Variants in ATRNL1 observed in about 807,000 individuals in gnomAD.
The protein encoded by ATRNL1 is attractin like 1, also known as attractin-like protein 1.
In ATRNL1, 95 loss-of-function variants were observed where a neutral mutation model predicts 182.7. The ratio of observed to expected loss-of-function variants is 0.52; its 90% CI spans 0.44 to 0.62. The LOEUF (loss-of-function observed/expected upper bound fraction) is 0.62, where lower values mean the gene tolerates loss of function less well. ATRNL1 is among the 20% of genes least tolerant of loss of function. ATRNL1 has a pLI of 0.00. For missense variants in ATRNL1, 1,471 were observed against 1,679.5 expected, an observed-to-expected ratio of 0.88 and a Z score of 2.17; for synonymous variants, 576 against 568.3, an observed-to-expected ratio of 1.01 and a Z score of -0.19.
At chr10:115,646,371 G>A (rs1326254004) in intron 26 of ATRNL1, among the ~76,000 whole-genome samples, 3 of 152,004 alleles carry the variant, frequency 2.0e-5, no homozygotes, top group African/African-American at 4.8e-5. Flanking sequence ...GTGGATGTTC[G>A]CACCAGTAAG....
chr10:115,653,616 C>T (rs1860146407), intron 26 of ATRNL1, among the ~76,000 whole-genome samples: 1 of 152,162 alleles, frequency 6.6e-6, no homozygotes, highest in Non-Finnish European at 1.5e-5. Context: ...GGAAGGTCTT[C>T]CATTGCATAT....
At chr10:115,890,861 T>C (rs987069068) in intron 28 of ATRNL1, among the ~76,000 whole-genome samples, 1 of 152,212 alleles carries the variant, frequency 6.6e-6, no homozygotes, top group Non-Finnish European at 1.5e-5. Context: ...GGGAGGTTTC[T>C]GATGAGAAGA....
intron 20 of ATRNL1, among the ~76,000 whole-genome samples, chr10:115,415,295 A>C (rs1483256728): frequency 1.3e-5 from 2 of 151,844 alleles, no homozygotes; most frequent in African/African-American, 2.4e-5. Context: ...GAAGTTGAAT[A>C]TTTTTCATGT....
intron 24 of ATRNL1, 128 bp downstream of exon 24, chr10:115,469,457 GATAA>G (rs1173636493): frequency 3.9e-6 from 2 of 509,008 alleles, no homozygotes; most frequent in African/African-American, 4.0e-5. Flanking sequence ...ATTGACCTTT[GATAA>G]ATAAAGGTCT....
At chr10:115,170,057 T>G (rs1554885172) in intron 7 of ATRNL1, among the ~76,000 whole-genome samples, 1 of 152,170 alleles carries the variant, frequency 6.6e-6, no homozygotes, top group Non-Finnish European at 1.5e-5. Context: ...TTTAGGACTT[T>G]CTATATACCA....
chr10:115,318,463 G>T (rs1487415410), intron 18 of ATRNL1, among the ~76,000 whole-genome samples: 1 of 152,156 alleles, frequency 6.6e-6, no homozygotes, highest in Non-Finnish European at 1.5e-5. Flanking sequence ...AGCAGGAATG[G>T]TATTAGGTCA....
chr10:115,912,416 T>TTTG (rs1565481394), intron 28 of ATRNL1, among the ~76,000 whole-genome samples: 11,012 of 148,036 alleles, frequency 0.074, 1,161 homozygotes, highest in African/African-American at 0.24. Flanking sequence ...ATATATATAT[T>TTTG]TGTGTGTGTG....
intron 10 of ATRNL1, among the ~76,000 whole-genome samples, chr10:115,251,030 G>T (rs1850854620): frequency 6.6e-6 from 1 of 152,070 alleles, no homozygotes; most frequent in Non-Finnish European, 1.5e-5. Flanking sequence ...CCTCTTTTTT[G>T]ATAGTTAGCA....
intron 26 of ATRNL1, among the ~76,000 whole-genome samples, chr10:115,594,793 C>G (rs1856131260): frequency 6.6e-6 from 1 of 152,190 alleles, no homozygotes; most frequent in African/African-American, 2.4e-5. Flanking sequence ...ATGTGAGCCA[C>G]CATGCCAGGC....
intron 26 of ATRNL1, among the ~76,000 whole-genome samples, chr10:115,621,254 AATAT>A (rs781830067): frequency 0.13 from 9,137 of 71,336 alleles, 615 homozygotes; most frequent in Middle Eastern, 0.16. Context: ...TTGAGCTCTG[AATAT>A]ATATATATAT....
At chr10:115,361,759 A>G (rs1856759040) in intron 19 of ATRNL1, among the ~76,000 whole-genome samples, 2 of 152,024 alleles carry the variant, frequency 1.3e-5, no homozygotes, top group South Asian at 4.1e-4. Context: ...GGACTGTAAA[A>G]TGTAAATTTT....
intron 24 of ATRNL1, among the ~76,000 whole-genome samples, chr10:115,489,095 C>G (rs1017894164): frequency 9.9e-5 from 15 of 151,980 alleles, no homozygotes; most frequent in Admixed American, 3.9e-4. Flanking sequence ...GAGACTGTTT[C>G]TTATGATTTC....
At chr10:115,896,484 A>G (rs1414525999) in intron 28 of ATRNL1, among the ~76,000 whole-genome samples, 16 of 152,182 alleles carry the variant, frequency 1.1e-4, no homozygotes, top group Admixed American at 9.8e-4. Flanking sequence ...AAAACTGATG[A>G]TGTAATTTAT....
chr10:115,626,875 A>C (rs180942613), intron 26 of ATRNL1, among the ~76,000 whole-genome samples: 46 of 152,324 alleles, frequency 3.0e-4, no homozygotes, highest in Non-Finnish European at 5.3e-4. Context: ...TAGAGAGGTT[A>C]TACTGTTGAT....
intron 26 of ATRNL1, among the ~76,000 whole-genome samples, chr10:115,720,204 A>C (rs1342834972): frequency 6.6e-6 from 1 of 152,080 alleles, no homozygotes; most frequent in Non-Finnish European, 1.5e-5. Context: ...GAAGACTTAC[A>C]AATGGACAGA....
intron 28 of ATRNL1, among the ~76,000 whole-genome samples, chr10:115,937,465 T>C (rs1335746727): frequency 3.3e-5 from 5 of 152,180 alleles, no homozygotes; most frequent in African/African-American, 1.2e-4. Flanking sequence ...ACCTTTGGAG[T>C]TTTGCCTAAT....
chr10:115,459,178 A>G (rs1458383263), intron 21 of ATRNL1, among the ~76,000 whole-genome samples: 1 of 152,158 alleles, frequency 6.6e-6, no homozygotes, highest in Non-Finnish European at 1.5e-5. Context: ...AGGACCCTGT[A>G]ATAATTGCGT....
In ATRNL1 at chr10:115,296,170, C is replaced by A. The variant is rs1853175127; in HGVS notation, c.2416-3864C>A. Among the ~76,000 whole-genome samples, 4 of 152,084 alleles carry A rather than the reference C, an allele frequency of 2.6e-5. No individual in the cohort carries two copies. In the South Asian group the frequency reaches 8.3e-4, roughly 31 times the overall value. ...GTGGGGATCTTCTCCTTACCTATTC[C>A]CTATAACACGAAGTCACTGCTGATC... On this transcript the variant is annotated intron_variant, in intron 15 of 28. Transcript: ENST00000355044.
intron 10 of ATRNL1, among the ~76,000 whole-genome samples, chr10:115,256,947 A>C: frequency 6.6e-6 from 1 of 152,144 alleles, no homozygotes; most frequent in South Asian, 2.1e-4. Context: ...GTTTTGAGTG[A>C]GTTTCTTAAT....
Sources: gnomAD v4.1 joint callset for allele counts (sites outside exome capture counted in the v4.1 genomes callset) on GRCh38, gnomAD v4.1.1 for gene constraint, MANE v1.5 for transcripts, NCBI Gene and HGNC (gene_info 2026-07-23, HGNC 2026-07-21) for gene names.